Variants in MEGF11 observed in about 807,000 individuals in gnomAD.
The protein encoded by MEGF11 is multiple EGF like domains 11.
A neutral mutation model predicts 146.6 loss-of-function variants in MEGF11; 126 were observed. That is an observed-to-expected ratio of 0.86 (90% CI 0.74 to 1.00). The LOEUF is 1.00. Among genes scored for constraint, MEGF11 ranks in the 50% least tolerant of loss-of-function variants. The pLI, the probability that MEGF11 is intolerant of heterozygous loss-of-function variation, is 0.00. For synonymous variants in MEGF11, 532 were observed against 583.4 expected (o/e 0.91, Z 1.27); for missense variants, 1,509 against 1,521.2 (o/e 0.99, Z 0.13).
chr15:65,938,024 G>A (rs1374727122), intron 10 of MEGF11, among the ~76,000 whole-genome samples: 1 of 152,248 alleles, frequency 6.6e-6, no homozygotes, highest in African/African-American at 2.4e-5. Flanking sequence ...CCAAAGGTGT[G>A]AGGAATGGTA....
At chr15:65,963,246 C>T (rs1210043813) in intron 9 of MEGF11, among the ~76,000 whole-genome samples, 1 of 152,174 alleles carries the variant, frequency 6.6e-6, no homozygotes, top group Admixed American at 6.5e-5. Flanking sequence ...AGTCCCCTGA[C>T]CAGCCATATG....
chr15:66,013,074 T>G (rs1354833390), intron 5 of MEGF11, among the ~76,000 whole-genome samples: 1 of 152,140 alleles, frequency 6.6e-6, no homozygotes, highest in Non-Finnish European at 1.5e-5. Context: ...CACAGAGGAG[T>G]GGGTCTTGAC....
chr15:66,139,746 CTG>C (rs1359534231), intron 1 of MEGF11, among the ~76,000 whole-genome samples: 1 of 152,154 alleles, frequency 6.6e-6, no homozygotes, highest in Non-Finnish European at 1.5e-5. Flanking sequence ...CATGTACGCA[CTG>C]TGTGTGCTAA....
chr15:66,112,613 T>TA (rs1265823112), intron 4 of MEGF11, among the ~76,000 whole-genome samples: 1 of 152,170 alleles, frequency 6.6e-6, no homozygotes, highest in Non-Finnish European at 1.5e-5. Context: ...CATGAATCCT[T>TA]AGCTCAAAGA....
chr15:66,071,698 C>T (rs1465771525), intron 5 of MEGF11, among the ~76,000 whole-genome samples: 1 of 152,114 alleles, frequency 6.6e-6, no homozygotes, highest in Non-Finnish European at 1.5e-5. Context: ...AGAGGGGAAA[C>T]CTCAGTGATT....
At chr15:66,070,788 A>G (rs1022230810) in intron 5 of MEGF11, among the ~76,000 whole-genome samples, 2 of 152,232 alleles carry the variant, frequency 1.3e-5, no homozygotes, top group African/African-American at 4.8e-5. Context: ...GGGGGGATTA[A>G]GTGAGGCCAA....
chr15:65,932,757 G>T (rs75772934), intron 10 of MEGF11, among the ~76,000 whole-genome samples: 9,819 of 152,054 alleles, frequency 0.065, 379 homozygotes, highest in Middle Eastern at 0.11. Flanking sequence ...TGTCTATGCC[G>T]GAGCAAGTGG....
At chr15:66,083,332 G>A (rs952835876) in intron 5 of MEGF11, among the ~76,000 whole-genome samples, 1 of 152,150 alleles carries the variant, frequency 6.6e-6, no homozygotes, top group Non-Finnish European at 1.5e-5. Context: ...AAATTATCAG[G>A]TAACTAATGT....
chr15:66,105,420 A>G (rs1340266008), intron 4 of MEGF11, among the ~76,000 whole-genome samples: 2 of 152,208 alleles, frequency 1.3e-5, no homozygotes, highest in African/African-American at 4.8e-5. Flanking sequence ...TCCATTGTGC[A>G]AGAAGATTAA....
In MEGF11 at chr15:65,909,045, G is replaced by C; in HGVS notation, c.2987C>G (p.Pro996Arg). ...GGCTGGGGTCTGACCTGGTGAGTGTGGCTCAGCGGGGCGGCTGAGGTGTCT... is the reference window on the plus strand; with the variant it reads ...GGCTGGGGTCTGACCTGGTGAGTGTCGCTCAGCGGGGCGGCTGAGGTGTCT... Reference protein sequence around the residue: ...ELRHLSRPAEPHSPGACGMDR... With the variant: ...ELRHLSRPAERHSPGACGMDR... Residue 996 changes from proline to arginine, a missense_variant, in exon 23 of 26, where the codon CCA becomes CGA. Coordinates refer to ENST00000395614, the MANE Select transcript of MEGF11 (RefSeq NM_001385028.1). 1.3e-6 allele frequency: 2 copies of C among 1,534,794 alleles called. No individual in the cohort carries two copies. The highest frequency in any genetic ancestry group is 1.7e-6 in the Non-Finnish European group (2 of 1,145,826).
intron 7 of MEGF11, chr15:65,971,219 C>G (rs1465987771): frequency 6.5e-6 from 1 of 153,188 alleles, no homozygotes; most frequent in Non-Finnish European, 1.5e-5. Flanking sequence ...GATGGAAAAG[C>G]AGGTGGAGGA....
chr15:65,914,079 G>T (rs939335844), intron 19 of MEGF11, 106 bp from the exon 20 acceptor site: 2 of 869,654 alleles, frequency 2.3e-6, no homozygotes, highest in African/African-American at 3.3e-5. Context: ...AGGAGATCTG[G>T]TTCTGGCTTT....
intron 1 of MEGF11, among the ~76,000 whole-genome samples, chr15:66,155,187 G>C (rs2089710559): frequency 6.6e-6 from 1 of 152,230 alleles, no homozygotes; most frequent in Non-Finnish European, 1.5e-5. Flanking sequence ...TCCTGGCTCT[G>C]TGCCTCAGTG....
rs1404949540 is a variant in MEGF11 at position 65,955,796 on chromosome 15, A to G, written c.1287+1751T>C. ...TATATATATATATATATATATATACACACACACACACACACACAATACTTT... is the reference window on the plus strand; with the variant it reads ...TATATATATATATATATATATATACGCACACACACACACACACAATACTTT... On this transcript the variant is annotated intron_variant, in intron 10 of 25. Transcript: ENST00000395614. Among the ~76,000 whole-genome samples the G allele has an allele frequency of 6.8e-4, 39 of 57,330 alleles. 3 individuals are homozygous for G. The highest frequency in any genetic ancestry group is 1.3e-3 in the Non-Finnish European group (36 of 26,750). The allele number at this position is 57,330 out of a possible 152,430, so 37.6% of individuals were successfully genotyped here. A position where few individuals can be genotyped will look rare whatever the true frequency, so the allele number is the denominator to read the frequency against.
chr15:66,185,940 C>T (rs1428808093), intron 1 of MEGF11, among the ~76,000 whole-genome samples: 2 of 152,224 alleles, frequency 1.3e-5, no homozygotes, highest in Non-Finnish European at 1.5e-5. Flanking sequence ...TTCACTCCTG[C>T]CCTTCTCTGT....
At chr15:65,906,763 C>T (rs1311704703) in intron 23 of MEGF11, 1 of 152,200 alleles carries the variant, frequency 6.6e-6, no homozygotes, top group Non-Finnish European at 1.5e-5. Context: ...CCTCCCATAG[C>T]CAGTTCTCTT....
chr15:66,019,406 T>G (rs546032116), intron 5 of MEGF11, among the ~76,000 whole-genome samples: 1 of 152,376 alleles, frequency 6.6e-6, no homozygotes, highest in South Asian at 2.1e-4. Context: ...AGCAAGTGTA[T>G]TTTTATTCCA....
intron 1 of MEGF11, among the ~76,000 whole-genome samples, chr15:66,235,595 C>T (rs2092072270): frequency 6.6e-6 from 1 of 152,108 alleles, no homozygotes; most frequent in Non-Finnish European, 1.5e-5. Flanking sequence ...GTCTCAACTA[C>T]CCAGGATCAT....
intron 24 of MEGF11, chr15:65,905,445 G>C (rs1239657022): frequency 6.6e-6 from 1 of 152,208 alleles, no homozygotes; most frequent in African/African-American, 2.4e-5. Context: ...AGTGGCAAGT[G>C]ACAGAGTTCC....
Sources: gnomAD v4.1 joint callset for allele counts (sites outside exome capture counted in the v4.1 genomes callset) on GRCh38, gnomAD v4.1.1 for gene constraint, MANE v1.5 for transcripts, NCBI Gene and HGNC (gene_info 2026-07-23, HGNC 2026-07-21) for gene names.